The following SAMD12 variants were observed in gnomAD, a reference collection of about 807,000 sequenced individuals.
SAMD12 encodes the protein sterile alpha motif domain-containing protein 12.
In SAMD12, 9 loss-of-function variants were observed where a neutral mutation model predicts 15.0. The ratio of observed to expected loss-of-function variants is 0.60; its 90% CI spans 0.36 to 1.05. The LOEUF is 1.05. Ranked by LOEUF, SAMD12 falls within the 50% of genes least tolerant of loss-of-function variation. The probability of loss-of-function intolerance (pLI) is 0.01; values close to 1 mark genes in which losing one functional copy is unlikely to be tolerated. For synonymous variants in SAMD12, 86 were observed against 90.1 expected (o/e 0.96, Z 0.25); for missense variants, 230 against 234.2 (o/e 0.98, Z 0.12).
intron 2 of SAMD12, among the ~76,000 whole-genome samples, chr8:118,572,464 G>A (rs1045074180): frequency 4.6e-5 from 7 of 152,188 alleles, no homozygotes; most frequent in Non-Finnish European, 7.3e-5. Flanking sequence ...TGGTTTGGCT[G>A]TGTCCTCACC....
chr8:118,588,311 C>T (rs143802824), intron 1 of SAMD12, among the ~76,000 whole-genome samples: 310 of 152,268 alleles, frequency 2.0e-3, no homozygotes, highest in African/African-American at 6.3e-3. Flanking sequence ...AGAAAGGGAG[C>T]ACAACATCTC....
intron 4 of SAMD12, among the ~76,000 whole-genome samples, chr8:118,269,631 T>C (rs1459311562): frequency 6.6e-6 from 1 of 152,182 alleles, no homozygotes; most frequent in East Asian, 1.9e-4. Flanking sequence ...TCTGTCATGC[T>C]CTATTACAGC....
At chr8:118,476,923 C>T (rs1224123140) in intron 2 of SAMD12, among the ~76,000 whole-genome samples, 1 of 152,124 alleles carries the variant, frequency 6.6e-6, no homozygotes, top group Non-Finnish European at 1.5e-5. Context: ...ATGGTACAAA[C>T]ACAGTCCTCC....
At chr8:118,186,988 T>G (rs574524491), downstream of SAMD12, among the ~76,000 whole-genome samples, 9 of 152,324 alleles carry the variant, frequency 5.9e-5, no homozygotes, top group South Asian at 1.7e-3. Context: ...AGTAAAATCT[T>G]GCAATGCTTT....
intron 3 of SAMD12, among the ~76,000 whole-genome samples, chr8:118,422,286 T>C (rs1033295340): frequency 6.6e-6 from 1 of 152,108 alleles, no homozygotes; most frequent in African/African-American, 2.4e-5. Context: ...TCTGGGCTGG[T>C]GGGAGGGAGA....
intron 3 of SAMD12, among the ~76,000 whole-genome samples, chr8:118,389,378 G>A (rs956016620): frequency 1.3e-5 from 2 of 152,134 alleles, no homozygotes; most frequent in African/African-American, 4.8e-5. Context: ...ACTGCCCTAA[G>A]GGATGACTAA....
intron 2 of SAMD12, among the ~76,000 whole-genome samples, chr8:118,509,374 A>T (rs1825010676): frequency 6.6e-6 from 1 of 152,214 alleles, no homozygotes; most frequent in African/African-American, 2.4e-5. Flanking sequence ...CAGGTGGGCC[A>T]GGAAACTGGG....
chr8:118,265,441 T>C (rs546757054), intron 4 of SAMD12, among the ~76,000 whole-genome samples: 1 of 152,168 alleles, frequency 6.6e-6, no homozygotes, highest in South Asian at 2.1e-4. Flanking sequence ...AAGACATTCT[T>C]TATGTATTGC....
intron 1 of SAMD12, among the ~76,000 whole-genome samples, chr8:118,589,609 G>A (rs2131275922): frequency 6.6e-6 from 1 of 152,304 alleles, no homozygotes; most frequent in East Asian, 1.9e-4. Context: ...CATTCATGAG[G>A]AGAATACAAG....
intron 2 of SAMD12, among the ~76,000 whole-genome samples, chr8:118,470,255 TTTA>T (rs1328556983): frequency 1.4e-5 from 2 of 145,034 alleles, no homozygotes; most frequent in Non-Finnish European, 2.9e-5. Flanking sequence ...TTTTTTTTTT[TTTA>T]AAAAAAAAGG....
At chr8:118,543,856 AATGGTCTTT>A (rs1291112665) in intron 2 of SAMD12, among the ~76,000 whole-genome samples, 1 of 151,868 alleles carries the variant, frequency 6.6e-6, no homozygotes, top group African/African-American at 2.4e-5. Flanking sequence ...ACATTTCTAG[AATGGTCTTT>A]ATATTCACCT....
At chr8:118,436,871 C>T (rs1223528929) in intron 3 of SAMD12, among the ~76,000 whole-genome samples, 1 of 152,210 alleles carries the variant, frequency 6.6e-6, no homozygotes, top group Non-Finnish European at 1.5e-5. Context: ...CTGTGTACCA[C>T]CTTCATAGCA....
intron 2 of SAMD12, among the ~76,000 whole-genome samples, chr8:118,477,505 T>C (rs1823993332): frequency 6.6e-6 from 1 of 152,206 alleles, no homozygotes; most frequent in African/African-American, 2.4e-5. Flanking sequence ...CCAGATATAT[T>C]TGGCTCAAAT....
intron 4 of SAMD12, among the ~76,000 whole-genome samples, chr8:118,316,540 AC>A (rs1185219946): frequency 6.7e-6 from 1 of 149,388 alleles, no homozygotes; most frequent in African/African-American, 2.4e-5. Context: ...CTCAAAACAA[AC>A]AAACAAAAAT....
At chr8:118,254,035 C>G (rs925650871) in intron 4 of SAMD12, among the ~76,000 whole-genome samples, 6 of 152,128 alleles carry the variant, frequency 3.9e-5, no homozygotes, top group African/African-American at 1.4e-4. Flanking sequence ...CTAAATTACA[C>G]TGGCAACCAC....
At chr8:118,197,322 C>T in exon 5 of SAMD12, 1 of 229,444 alleles carries the variant, frequency 4.4e-6, no homozygotes. Context: ...TTTTCTAAAA[C>T]ATCATGCCAT....
intron 1 of SAMD12, among the ~76,000 whole-genome samples, chr8:118,600,226 T>A (rs554800229): frequency 1.3e-5 from 2 of 152,160 alleles, no homozygotes; most frequent in Non-Finnish European, 2.9e-5. Flanking sequence ...TGTTTCCAAA[T>A]TTTTAAAAAT....
chr8:118,330,179 G>A (rs1586540765), intron 4 of SAMD12, among the ~76,000 whole-genome samples: 2 of 152,174 alleles, frequency 1.3e-5, no homozygotes, highest in African/African-American at 2.4e-5. Context: ...ATTTGCATGG[G>A]TAGACATTTC....
intron 4 of SAMD12, among the ~76,000 whole-genome samples, chr8:118,318,365 C>G (rs1359134377): frequency 8.8e-6 from 1 of 113,724 alleles, no homozygotes; most frequent in Admixed American, 9.0e-5. Flanking sequence ...TACATATATA[C>G]CATGGAACAC....
Sources: gnomAD v4.1 joint callset for allele counts (sites outside exome capture counted in the v4.1 genomes callset) on GRCh38, gnomAD v4.1.1 for gene constraint, MANE v1.5 for transcripts, NCBI Gene and HGNC (gene_info 2026-07-23, HGNC 2026-07-21) for gene names.